Variants in SND1 observed in about 807,000 individuals in gnomAD.
SND1 encodes staphylococcal nuclease and tudor domain containing 1, also known as staphylococcal nuclease domain-containing protein 1.
SND1 carries 38 observed loss-of-function variants against 121.7 expected under a neutral mutation model. The ratio of observed to expected loss-of-function variants is 0.31; its 90% CI spans 0.24 to 0.41. SND1 has a LOEUF of 0.41. Ranked by LOEUF, SND1 falls within the 10% of genes least tolerant of loss-of-function variation. The pLI is 1.00. For missense variants in SND1, 868 were observed against 1,184.6 expected (o/e 0.73, Z 3.92); for synonymous variants, 401 against 447.4 (o/e 0.90, Z 1.31).
intron 14 of SND1, among the ~76,000 whole-genome samples, chr7:127,913,015 A>G (rs967244023): frequency 6.6e-6 from 1 of 152,230 alleles, no homozygotes; most frequent in Admixed American, 6.5e-5. Context: ...ACCAGAGCAG[A>G]TAACCTTGAG....
intron 11 of SND1, among the ~76,000 whole-genome samples, chr7:127,824,582 T>A (rs1322088035): frequency 6.6e-6 from 1 of 152,224 alleles, no homozygotes; most frequent in African/African-American, 2.4e-5. Flanking sequence ...ATTTTCATTG[T>A]CCCAATTACT....
chr7:127,984,831 G>T (rs1802347956), intron 15 of SND1, among the ~76,000 whole-genome samples: 2 of 152,154 alleles, frequency 1.3e-5, no homozygotes, highest in Admixed American at 6.5e-5. Flanking sequence ...ACAGATCCTG[G>T]AACCTGAGGT....
At chr7:128,007,358 A>C (rs973102662) in intron 16 of SND1, among the ~76,000 whole-genome samples, 4 of 152,186 alleles carry the variant, frequency 2.6e-5, no homozygotes, top group Non-Finnish European at 5.9e-5. Flanking sequence ...CTTTCAGATC[A>C]TCTTGGCAGC....
chr7:128,080,732 C>T (rs117039001), intron 17 of SND1, among the ~76,000 whole-genome samples: 1 of 152,296 alleles, frequency 6.6e-6, no homozygotes, highest in East Asian at 1.9e-4. Flanking sequence ...TCTGGTTTTG[C>T]TCTTTTTTAC....
chr7:127,774,924 T>A (rs1162827997), intron 10 of SND1, among the ~76,000 whole-genome samples: 1 of 152,224 alleles, frequency 6.6e-6, no homozygotes, highest in Non-Finnish European at 1.5e-5. Flanking sequence ...CTATGTTTAG[T>A]TACACAAATA....
chr7:127,960,916 C>T (rs1801715618), intron 15 of SND1, among the ~76,000 whole-genome samples: 1 of 152,166 alleles, frequency 6.6e-6, no homozygotes, highest in Admixed American at 6.5e-5. Flanking sequence ...TAGGGGAATC[C>T]CAAGAGAAGT....
At chr7:128,066,491 A>G (rs1584770424) in intron 16 of SND1, among the ~76,000 whole-genome samples, 1 of 152,360 alleles carries the variant, frequency 6.6e-6, no homozygotes, top group African/African-American at 2.4e-5. Flanking sequence ...ACATTGCCAC[A>G]GTAGCACATG....
intron 12 of SND1, among the ~76,000 whole-genome samples, chr7:127,882,364 C>A: frequency 8.0e-6 from 1 of 124,856 alleles, no homozygotes; most frequent in Non-Finnish European, 1.6e-5. Flanking sequence ...GGAAGGAAGG[C>A]AGGCAGGAAG....
At position 128,089,503 on chromosome 7, in the gene SND1, G is replaced by T. The variant is rs140286215; in HGVS notation, c.2433G>T (p.Thr811=). The T allele has an allele frequency of 6.2e-7, 1 of 1,612,898 alleles. No homozygotes were observed. Among genetic ancestry groups the T allele is most frequent in the Admixed American group, 1.7e-5 (1 of 60,012 alleles). The change falls in exon 22 of 24, where the codon ACG becomes ACT. Residue 811 remains threonine (T), a synonymous_variant. Transcript: ENST00000354725. ...CTCTGCTCCAGGATGATGCCCGCAC[G>T]GACGCCGTGGACAGCGTAGTTCGGG... ...IQVPQDDDAR[T]DAVDSVVRDI... is the part of the protein sequence containing the mutation.
intron 21 of SND1, among the ~76,000 whole-genome samples, 174 bp downstream of exon 21, chr7:128,087,225 CCAGCTAGTTCA>C (rs1793701511): frequency 6.6e-6 from 1 of 152,146 alleles, no homozygotes; most frequent in Non-Finnish European, 1.5e-5. Flanking sequence ...TTAGAGCATT[CCAGCTAGTTCA>C]TAGAAGCAGG....
chr7:128,004,190 G>A lies in SND1; in HGVS notation c.1779+13134G>A, dbSNP rs114332443. Among the ~76,000 whole-genome samples the A allele has an allele frequency of 5.1e-3, 774 of 152,214 alleles. 5 individuals carry two copies. Among genetic ancestry groups the A allele is most frequent in the African/African-American group, 0.018 (742 of 41,512 alleles). Reference sequence around the variant, plus strand: ...GAGATTAAGCAAGGGTGCCAGGAGCGTTGTGAAGGGCTCTCATTGTTTTTA... The same window carrying A: ...GAGATTAAGCAAGGGTGCCAGGAGCATTGTGAAGGGCTCTCATTGTTTTTA... On this transcript the variant is annotated intron_variant, in intron 16 of 23. Transcript: ENST00000354725.
At chr7:127,987,711 G>A (rs528045290) in intron 15 of SND1, among the ~76,000 whole-genome samples, 2 of 150,680 alleles carry the variant, frequency 1.3e-5, no homozygotes, top group Admixed American at 1.3e-4. Context: ...TTCAAACTGG[G>A]TATTTGTCCC....
At chr7:127,990,677 C>G (rs1196942298) in intron 15 of SND1, among the ~76,000 whole-genome samples, 2 of 152,164 alleles carry the variant, frequency 1.3e-5, no homozygotes, top group East Asian at 3.8e-4. Flanking sequence ...TTGGAAGGCT[C>G]CTTTCGCCAT....
At chr7:127,847,257 G>A (rs1799082836) in intron 12 of SND1, among the ~76,000 whole-genome samples, 2 of 152,124 alleles carry the variant, frequency 1.3e-5, no homozygotes, top group African/African-American at 4.8e-5. Context: ...GGGCAATAGA[G>A]TGAGACTTTG....
chr7:128,031,602 C>T (rs1792605045), intron 16 of SND1: 1 of 149,338 alleles, frequency 6.7e-6, no homozygotes, highest in Non-Finnish European at 1.5e-5. Context: ...GGCGGCGCTC[C>T]GTCCGGCCCC....
At chr7:127,833,639 C>A (rs538333790) in intron 11 of SND1, among the ~76,000 whole-genome samples, 3 of 151,938 alleles carry the variant, frequency 2.0e-5, no homozygotes, top group Non-Finnish European at 4.4e-5. Context: ...TCGCTCCTGC[C>A]GCTGTTATTT....
In SND1 at chr7:128,008,031, C is replaced by T. The variant is rs542946599; in HGVS notation, c.1779+16975C>T. Reference sequence around the variant, plus strand: ...TGTATTGCTCTTACCTTTATCCCCACAGTGCCTCCCAGACAACAGCCTCAT... The same window carrying T: ...TGTATTGCTCTTACCTTTATCCCCATAGTGCCTCCCAGACAACAGCCTCAT... On this transcript the variant is annotated intron_variant, in intron 16 of 23. Transcript: ENST00000354725. 7 of 152,378 alleles carry T rather than the reference C, an allele frequency of 4.6e-5. No homozygotes were observed. The East Asian group carries it at 1.2e-3, about 25-fold the overall frequency. The allele number at this position is 152,378 out of a possible 1,614,324, so 9.4% of individuals were successfully genotyped here. A position where few individuals can be genotyped will look rare whatever the true frequency, so the allele number is the denominator to read the frequency against.
intron 10 of SND1, among the ~76,000 whole-genome samples, chr7:127,801,829 C>A (rs1026896712): frequency 5.3e-5 from 8 of 152,064 alleles, no homozygotes. Flanking sequence ...TCCGCGTGGT[C>A]AAAAATTCAT....
chr7:127,993,240 G>C (rs999953570), intron 16 of SND1, among the ~76,000 whole-genome samples: 56 of 152,268 alleles, frequency 3.7e-4, no homozygotes, highest in Admixed American at 2.9e-3. Flanking sequence ...AACAGTGTAG[G>C]AATGGAGAGG....
Sources: allele counts gnomAD v4.1 joint callset (sites outside exome capture counted in the v4.1 genomes callset), GRCh38; gene constraint gnomAD v4.1.1; transcripts MANE v1.5; gene names NCBI Gene and HGNC (gene_info 2026-07-23, HGNC 2026-07-21).